The following ANKH variants were observed in gnomAD, a reference collection of about 807,000 sequenced individuals.
ANKH encodes ANKH inorganic pyrophosphate transport regulator, also known as mineralization regulator ANKH.
ANKH carries 15 observed loss-of-function variants against 49.0 expected under a neutral mutation model. The observed-to-expected ratio is 0.31, with a 90% CI of 0.20 to 0.47. The LOEUF (loss-of-function observed/expected upper bound fraction) is 0.47. ANKH is among the 20% of genes least tolerant of loss of function. The pLI is 1.00. For synonymous variants in ANKH, 273 were observed against 260.0 expected (o/e 1.05, Z -0.48); for missense variants, 429 against 652.0 (o/e 0.66, Z 3.72).
At chr5:14,736,095 A>G (rs1396940686) in intron 8 of ANKH, among the ~76,000 whole-genome samples, 11 of 130,588 alleles carry the variant, frequency 8.4e-5, no homozygotes, top group Non-Finnish European at 1.1e-4. Context: ...CTTGCACTCT[A>G]TTGCATGAGG....
chr5:14,727,471 C>T (rs748028182), intron 8 of ANKH, among the ~76,000 whole-genome samples: 9 of 151,344 alleles, frequency 5.9e-5, no homozygotes, highest in Admixed American at 6.6e-5. Context: ...ATCCCAACGA[C>T]TTACTAATCT....
chr5:14,859,813 G>C (rs1324218314), intron 1 of ANKH, among the ~76,000 whole-genome samples: 2 of 152,212 alleles, frequency 1.3e-5, no homozygotes, highest in Non-Finnish European at 2.9e-5. Context: ...ACTTCACTTA[G>C]AGCCTAAAGG....
intron 1 of ANKH, among the ~76,000 whole-genome samples, chr5:14,825,007 T>C (rs544696868): frequency 5.3e-5 from 8 of 152,338 alleles, no homozygotes; most frequent in African/African-American, 1.9e-4. Flanking sequence ...GGTCTAATTG[T>C]TCCCTATGTT....
chr5:14,722,722 C>G (rs1207216507), intron 8 of ANKH, among the ~76,000 whole-genome samples: 1 of 152,154 alleles, frequency 6.6e-6, no homozygotes, highest in African/African-American at 2.4e-5. Context: ...ATGTCCTGCA[C>G]AGAACTCTAA....
intron 8 of ANKH, among the ~76,000 whole-genome samples, chr5:14,733,259 GA>G (rs1166479443): frequency 6.6e-6 from 1 of 152,152 alleles, no homozygotes; most frequent in Admixed American, 6.5e-5. Context: ...GGGCTCAGAA[GA>G]TACAAAAAGA....
chr5:14,749,479 T>C (rs1738644315), intron 5 of ANKH, among the ~76,000 whole-genome samples, 173 bp from the exon 6 acceptor site: 1 of 152,230 alleles, frequency 6.6e-6, no homozygotes, highest in South Asian at 2.1e-4. Context: ...AAATAAAATG[T>C]TCAGTCCTAA....
intron 1 of ANKH, among the ~76,000 whole-genome samples, chr5:14,850,198 G>A (rs542115789): frequency 4.7e-4 from 72 of 152,228 alleles, no homozygotes; most frequent in African/African-American, 1.5e-3. Flanking sequence ...CACTCCCACC[G>A]GCTTCCAGAT....
chr5:14,720,188 C>G (rs375064465), intron 8 of ANKH, among the ~76,000 whole-genome samples: 1 of 152,164 alleles, frequency 6.6e-6, no homozygotes, highest in South Asian at 2.1e-4. Flanking sequence ...TACGTATTTT[C>G]TGCATCTGGC....
intron 1 of ANKH, among the ~76,000 whole-genome samples, chr5:14,843,548 C>T (rs1021846055): frequency 3.8e-4 from 8 of 21,102 alleles, no homozygotes; most frequent in South Asian, 2.0e-3. Flanking sequence ...AGGGGATTAG[C>T]GAAAAAAAAA....
At chr5:14,735,186 A>T (rs1738135926) in intron 8 of ANKH, among the ~76,000 whole-genome samples, 1 of 152,218 alleles carries the variant, frequency 6.6e-6, no homozygotes, top group Non-Finnish European at 1.5e-5. Context: ...AAGTACTGGC[A>T]CAGGTTACCT....
At chr5:14,754,798 G>A (rs1313587006) in intron 4 of ANKH, among the ~76,000 whole-genome samples, 1 of 152,134 alleles carries the variant, frequency 6.6e-6, no homozygotes. Context: ...AAATGAGACT[G>A]GGCGTGGTGG....
Position 14,711,025 on chromosome 5 carries a change from G to A in ANKH, c.*172C>T. ...CCATTCACTAGGTCCCCCCGTCAGTGTGAGCATACCCAGTATGCTAGAGAA... is the reference window on the plus strand; with the variant it reads ...CCATTCACTAGGTCCCCCCGTCAGTATGAGCATACCCAGTATGCTAGAGAA... On this transcript the variant is annotated 3_prime_UTR_variant, in exon 12 of 12. Coordinates refer to ENST00000284268, the MANE Select transcript of ANKH (RefSeq NM_054027.6). 1 of 679,306 alleles carries A rather than the reference G, an allele frequency of 1.5e-6. No individual in the cohort carries two copies. The highest frequency in any genetic ancestry group is 2.7e-6 in the Non-Finnish European group (1 of 373,478). 42.1% of individuals were successfully genotyped at this position (679,306 alleles called of 1,614,324 possible).
chr5:14,708,482 A>G lies in ANKH; in HGVS notation c.*2715T>C, dbSNP rs1429196232. ...TTTGGGGGAATGTTTCTTTGGTCAC[A>G]AAAGTCAAAAAGTTGCCCCAATGAC... On this transcript the variant is annotated 3_prime_UTR_variant, in exon 12 of 12. Coordinates refer to ENST00000284268, the MANE Select transcript of ANKH (RefSeq NM_054027.6). 6.6e-6 allele frequency: 1 copy of G among 152,238 alleles called. No homozygotes were observed. The highest frequency in any genetic ancestry group is 2.4e-5 in the African/African-American group (1 of 41,470). The allele number at this position is 152,238 out of a possible 1,614,324, so 9.4% of individuals were successfully genotyped here. A position where few individuals can be genotyped will look rare whatever the true frequency, so the allele number is the denominator to read the frequency against.
At chr5:14,798,315 G>T (rs1411444178) in intron 1 of ANKH, 14 of 1,578,596 alleles carry the variant, frequency 8.9e-6, no homozygotes, top group Non-Finnish European at 8.7e-7. Flanking sequence ...ATAAAGAAAA[G>T]GGGTGTTCTT....
intron 1 of ANKH, among the ~76,000 whole-genome samples, chr5:14,773,809 C>T (rs1262443796): frequency 1.3e-5 from 2 of 152,170 alleles, no homozygotes; most frequent in Non-Finnish European, 2.9e-5. Flanking sequence ...AAGGCGACAT[C>T]GTAAACACTC....
chr5:14,768,875 T>C, intron 2 of ANKH, 100 bp downstream of exon 2: 2 of 1,283,514 alleles, frequency 1.6e-6, no homozygotes, highest in Non-Finnish European at 2.3e-6. Flanking sequence ...ATTTGATAAT[T>C]AGTGAAGAAA....
chr5:14,757,556 C>A (rs1400197028), intron 3 of ANKH, among the ~76,000 whole-genome samples: 1 of 150,964 alleles, frequency 6.6e-6, no homozygotes, highest in Non-Finnish European at 1.5e-5. Flanking sequence ...CAGCCCTGAG[C>A]TAATGGGGTG....
rs1316228265 is a variant in ANKH at position 14,707,869 on chromosome 5, A to G, written c.*3328T>C. ...GGCAAAGTAAAAACAAAGGAAGAGTAACTTTGGCACAAGACAAACCCGATG... is the reference window on the plus strand; with the variant it reads ...GGCAAAGTAAAAACAAAGGAAGAGTGACTTTGGCACAAGACAAACCCGATG... On this transcript the variant is annotated 3_prime_UTR_variant, in exon 12 of 12. Coordinates refer to ENST00000284268, the MANE Select transcript of ANKH (RefSeq NM_054027.6). 1.3e-5 allele frequency: 2 copies of G among 152,232 alleles called. No homozygotes were observed. Among genetic ancestry groups the G allele is most frequent in the Non-Finnish European group, 2.9e-5 (2 of 68,048 alleles). 9.4% of individuals were successfully genotyped at this position (152,232 alleles called of 1,614,324 possible).
At chr5:14,715,157 G>A (rs1279406727) in intron 9 of ANKH, among the ~76,000 whole-genome samples, 3 of 151,982 alleles carry the variant, frequency 2.0e-5, no homozygotes, top group East Asian at 3.9e-4. Flanking sequence ...TTGAGACGGA[G>A]TTTCACTCTT....
Sources: gnomAD v4.1 joint callset for allele counts (sites outside exome capture counted in the v4.1 genomes callset) on GRCh38, gnomAD v4.1.1 for gene constraint, MANE v1.5 for transcripts, NCBI Gene and HGNC (gene_info 2026-07-23, HGNC 2026-07-21) for gene names.